Variants in ADPRHL1 observed in about 807,000 individuals in gnomAD.
The protein encoded by ADPRHL1 is ADP-ribosylhydrolase like 1.
A neutral mutation model predicts 44.1 loss-of-function variants in ADPRHL1; 43 were observed. The observed-to-expected ratio is 0.98, with a 90% CI of 0.76 to 1.26. The LOEUF (loss-of-function observed/expected upper bound fraction) is 1.26. Ranked by LOEUF, ADPRHL1 falls within the 50% of genes most tolerant of loss-of-function variation. The pLI, the probability that ADPRHL1 is intolerant of heterozygous loss-of-function variation, is 0.00. For synonymous variants in ADPRHL1, 878 were observed against 1,017.4 expected (o/e 0.86, Z 2.61); for missense variants, 2,022 against 2,496.9 (o/e 0.81, Z 4.05).
intron 4 of ADPRHL1, 21 bp from the exon 5 acceptor site, chr13:113,425,200 G>T: frequency 1.4e-6 from 2 of 1,441,728 alleles, no homozygotes; most frequent in African/African-American, 1.4e-5. Context: ...AGAACAAGGG[G>T]AGCTGAACAC....
chr13:113,433,575 A>AGGCAGCC (rs2044022228), intron 3 of ADPRHL1, among the ~76,000 whole-genome samples, 167 bp downstream of exon 3: 1 of 152,198 alleles, frequency 6.6e-6, no homozygotes, highest in African/African-American at 2.4e-5. Flanking sequence ...CCCTCACAGC[A>AGGCAGCC]GGCAGCCGGC....
At chr13:113,420,471 G>A (rs547097058) in intron 7 of ADPRHL1, among the ~76,000 whole-genome samples, 12 of 152,214 alleles carry the variant, frequency 7.9e-5, no homozygotes, top group Admixed American at 2.6e-4. Context: ...CCACTTTCCG[G>A]TAAGCGGGCA....
chr13:113,421,638 GCCCCCACCTGT>G (rs898845191), intron 7 of ADPRHL1, among the ~76,000 whole-genome samples: 2 of 152,200 alleles, frequency 1.3e-5, no homozygotes, highest in African/African-American at 4.8e-5. Context: ...GGAGTCCGTG[GCCCCCACCTGT>G]GAAGTCCACC....
rs150237992 is a variant in ADPRHL1 at position 113,441,900 on chromosome 13, T to C, written c.379+2525A>G. Reference sequence around the variant, plus strand: ...TGTCCCCACCCTGTGTGTGAGTCTGTGTCTCTATCACGCTTTACTCCACCG... The same window carrying C: ...TGTCCCCACCCTGTGTGTGAGTCTGCGTCTCTATCACGCTTTACTCCACCG... On this transcript the variant is annotated intron_variant, in intron 2 of 7. Transcript: ENST00000612156. This position sits in a 1 kb window ranked among gnomAD's most constrained non-coding sequence, Gnocchi z 6.0. Among the ~76,000 whole-genome samples the C allele has an allele frequency of 6.6e-6, 1 of 152,320 alleles. No individual in the cohort carries two copies. Among genetic ancestry groups the C allele is most frequent in the Non-Finnish European group, 1.5e-5 (1 of 68,022 alleles).
chr13:113,414,075 G>A (rs1002516594), intron 7 of ADPRHL1, among the ~76,000 whole-genome samples: 6 of 152,220 alleles, frequency 3.9e-5, no homozygotes, highest in African/African-American at 1.4e-4. Context: ...GCTGTGCTGG[G>A]CTCACCCGAG....
In ADPRHL1 at chr13:113,413,092, C is replaced by T. The variant is rs12871925; in HGVS notation, c.1062-4872G>A. On this transcript the variant is annotated intron_variant, in intron 7 of 7. Transcript: ENST00000612156. ...CGGTTCACCCACCGCCAACAGCGCCCCGCAGAGCTCGGTTCACCCACCGCC... is the reference window on the plus strand; with the variant it reads ...CGGTTCACCCACCGCCAACAGCGCCTCGCAGAGCTCGGTTCACCCACCGCC... Among the ~76,000 whole-genome samples the T allele has an allele frequency of 2.6e-3, 271 of 105,322 alleles. 4 individuals are homozygous for T. The highest frequency in any genetic ancestry group is 5.8e-3 in the Middle Eastern group (1 of 172). The allele number at this position is 105,322 out of a possible 152,430, so 69.1% of individuals were successfully genotyped here.
rs1555325970 is a variant in ADPRHL1 at position 113,415,770 on chromosome 13, A to AAAAAAAAAG, written c.1061+7055_1061+7056insCTTTTTTTT. On this transcript the variant is annotated intron_variant, in intron 7 of 7. Transcript: ENST00000612156. ...CATCTCAAAAAAAAAAAAAAAAAAA[A>AAAAAAAAAG]AGAGAGAGAGAGAGAAGCAAGCTCG... is the stretch of plus-strand genomic sequence containing the variant. 2.1e-3 allele frequency among the ~76,000 whole-genome samples: 279 copies of AAAAAAAAAG among 132,820 alleles called. 6 individuals are homozygous for AAAAAAAAAG. The highest frequency in any genetic ancestry group is 8.1e-3 in the African/African-American group (261 of 32,316). 87.1% of individuals were successfully genotyped at this position (132,820 alleles called of 152,430 possible).
intron 2 of ADPRHL1, among the ~76,000 whole-genome samples, chr13:113,436,127 ACACAGGTGTACCCCGGG>A (rs1347431063): frequency 2.5e-4 from 33 of 130,800 alleles, no homozygotes; most frequent in African/African-American, 8.3e-4. Context: ...CGTAGAGTGA[ACACAGGTGTACCCCGGG>A]ACCCGGCACC....
At position 113,406,071 on chromosome 13, in the gene ADPRHL1, T is replaced by G; in HGVS notation, c.3211A>C (p.Arg1071=). ...TGAGAAGACTCTATTAGCAGCGGCCTTCTGCATTCCTCCAGCGCACCGGGC... is the reference window on the plus strand; with the variant it reads ...TGAGAAGACTCTATTAGCAGCGGCCGTCTGCATTCCTCCAGCGCACCGGGC... ...TVPGALEECR[R]PLLIESSQPL... Residue 1071 remains arginine, a synonymous_variant, in exon 8 of 8, where the codon AGG becomes CGG. Coordinates refer to ENST00000612156, the MANE Select transcript of ADPRHL1 (RefSeq NM_001394807.1). 1 of 1,232,170 alleles carries G rather than the reference T, an allele frequency of 8.1e-7. No homozygotes were observed. Among genetic ancestry groups the G allele is most frequent in the Non-Finnish European group, 1.0e-6 (1 of 988,004 alleles). The allele number at this position is 1,232,170 out of a possible 1,614,324, so 76.3% of individuals were successfully genotyped here. A position where few individuals can be genotyped will look rare whatever the true frequency, so the allele number is the denominator to read the frequency against.
rs139031492 is a variant in ADPRHL1, at chr13:113,428,137, C to T, written c.646+815G>A. On this transcript the variant is annotated intron_variant, in intron 4 of 7. Coordinates refer to ENST00000612156, the MANE Select transcript of ADPRHL1 (RefSeq NM_001394807.1). ...CGGACGCCTGTAATCCCAGCTGCTT[C>T]GGCGGCTGAGGCAGGAGAATTGCTT... Among the ~76,000 whole-genome samples the T allele has an allele frequency of 8.1e-4, 123 of 151,276 alleles. 1 individual carries two copies. The East Asian group carries it at 9.3e-3, about 11-fold the overall frequency.
chr13:113,435,386 A>T (rs375309769), intron 2 of ADPRHL1, among the ~76,000 whole-genome samples: 2 of 113,730 alleles, frequency 1.8e-5, no homozygotes, highest in African/African-American at 3.7e-5. Context: ...GGTGTACCCC[A>T]GGACCTGGCA....
intron 1 of ADPRHL1, among the ~76,000 whole-genome samples, chr13:113,446,701 T>G (rs1004979785): frequency 1.3e-5 from 2 of 152,044 alleles, no homozygotes; most frequent in Non-Finnish European, 2.9e-5. Flanking sequence ...CTGTCCTGCA[T>G]GTATGATATT....
chr13:113,442,947 T>C (rs1381530826), intron 2 of ADPRHL1, among the ~76,000 whole-genome samples: 1 of 152,208 alleles, frequency 6.6e-6, no homozygotes, highest in East Asian at 1.9e-4. Flanking sequence ...AACCTTTTCT[T>C]GGAAATGTCT....
At position 113,407,899 on chromosome 13, in the gene ADPRHL1, C is replaced by A; in HGVS notation, c.1383G>T (p.Gly461=). The change falls in exon 8 of 8, where the codon GGG becomes GGT. Residue 461 remains glycine, a synonymous_variant. Transcript: ENST00000612156. ...VGRLISKDKQ[G]PGGGLVGATI... ...TGGCACCCACGAGGCCCCCACCCGG[C>A]CCCTGCTTGTCCTTGGAGATCAGCC... The A allele has an allele frequency of 8.1e-7, 1 of 1,231,960 alleles. No homozygotes were observed. Among genetic ancestry groups the A allele is most frequent in the Non-Finnish European group, 1.0e-6 (1 of 987,996 alleles). The allele number at this position is 1,231,960 out of a possible 1,614,324, so 76.3% of individuals were successfully genotyped here.
intron 4 of ADPRHL1, among the ~76,000 whole-genome samples, chr13:113,426,647 C>T (rs925359504): frequency 2.0e-5 from 3 of 152,176 alleles, no homozygotes; most frequent in African/African-American, 7.2e-5. Flanking sequence ...AAAGTCCAGC[C>T]CCCTTAGGGT....
chr13:113,446,764 G>A (rs550653230), intron 1 of ADPRHL1, among the ~76,000 whole-genome samples: 6 of 152,066 alleles, frequency 3.9e-5, no homozygotes, highest in South Asian at 2.1e-4. Context: ...TACATGCACC[G>A]TGTTGTCATA....
At chr13:113,421,052 G>A (rs1261859805) in intron 7 of ADPRHL1, among the ~76,000 whole-genome samples, 7 of 73,050 alleles carry the variant, frequency 9.6e-5, no homozygotes, top group Admixed American at 6.3e-4. Flanking sequence ...TGCCTACCCT[G>A]GGACATCCCT....
At chr13:113,426,388 C>A (rs945431664) in intron 4 of ADPRHL1, among the ~76,000 whole-genome samples, 1 of 152,222 alleles carries the variant, frequency 6.6e-6, no homozygotes, top group African/African-American at 2.4e-5. Context: ...GGCTGTCAGG[C>A]CCAAGGGACA....
chr13:113,444,138 C>T (rs534586027), intron 2 of ADPRHL1, among the ~76,000 whole-genome samples: 11 of 151,496 alleles, frequency 7.3e-5, no homozygotes, highest in East Asian at 1.9e-4. Context: ...CTTAAACAGA[C>T]GCCCGCACTG....
Sources: gnomAD v4.1 joint callset for allele counts (sites outside exome capture counted in the v4.1 genomes callset) on GRCh38, gnomAD v4.1.1 for gene constraint, Gnocchi (gnomAD v3.1) non-coding constraint, MANE v1.5 for transcripts, NCBI Gene and HGNC (gene_info 2026-07-23, HGNC 2026-07-21) for gene names.